TRPM8: variants seen among roughly 807,000 people sequenced by gnomAD.
TRPM8 encodes the protein TRPM8 cationic channel.
Under a neutral mutation model 133.7 loss-of-function variants are expected in TRPM8, and 110 were observed. That is an observed-to-expected ratio of 0.82 (90% CI 0.70 to 0.96). TRPM8 has a LOEUF of 0.96. Ranked by LOEUF, TRPM8 falls within the 40% of genes least tolerant of loss-of-function variation. TRPM8 has a pLI of 0.00. For missense variants in TRPM8, 1,291 were observed against 1,379.5 expected, an observed-to-expected ratio of 0.94 and a Z score of 1.02; for synonymous variants, 535 against 532.3, an observed-to-expected ratio of 1.01 and a Z score of -0.07.
chr2:234,011,873 C>T (rs1271307514), intron 24 of TRPM8, among the ~76,000 whole-genome samples: 37 of 137,634 alleles, frequency 2.7e-4, no homozygotes, highest in South Asian at 7.0e-4. Context: ...ACCGAGATCG[C>T]GCCACTGCAC....
Position 234,018,439 on chromosome 2 carries a change from T to C in TRPM8, c.*1183T>C, listed in dbSNP as rs1293304777. 1 of 151,486 alleles carries C rather than the reference T, an allele frequency of 6.6e-6. No individual in the cohort carries two copies. Among genetic ancestry groups the C allele is most frequent in the East Asian group, 1.9e-4 (1 of 5,188 alleles). The allele number at this position is 151,486 out of a possible 1,614,324, so 9.4% of individuals were successfully genotyped here. A position where few individuals can be genotyped will look rare whatever the true frequency, so the allele number is the denominator to read the frequency against. On this transcript the variant is annotated 3_prime_UTR_variant, in exon 26 of 26. Coordinates refer to ENST00000324695, the MANE Select transcript of TRPM8 (RefSeq NM_024080.5). ...ATCTATTTATTATTAAATATTAAAATATCTATTTATTATTAAAACCATTTA... is the reference window on the plus strand; with the variant it reads ...ATCTATTTATTATTAAATATTAAAACATCTATTTATTATTAAAACCATTTA...
chr2:234,000,010 G>A (rs984154486), intron 22 of TRPM8, among the ~76,000 whole-genome samples: 2 of 150,944 alleles, frequency 1.3e-5, no homozygotes, highest in Non-Finnish European at 3.0e-5. Context: ...TTTGAAGATC[G>A]TGTATGTTTT....
Position 233,974,187 on chromosome 2 carries a change from C to G in TRPM8, c.2355+3761C>G, listed in dbSNP as rs1033921282. On this transcript the variant is annotated intron_variant, in intron 17 of 25. Transcript: ENST00000324695. ...GGACTGGGAACAACTGGGACAGTGT[C>G]TGCCCCACAAGTGGGGTAAGTGCCA... is the stretch of plus-strand genomic sequence containing the variant. Among the ~76,000 whole-genome samples, 9 of 152,232 alleles carry G rather than the reference C, an allele frequency of 5.9e-5. No individual in the cohort carries two copies. The South Asian group carries it at 1.2e-3, about 21-fold the overall frequency.
At chr2:233,951,016 T>G (rs1032933603) in intron 9 of TRPM8, among the ~76,000 whole-genome samples, 2 of 151,672 alleles carry the variant, frequency 1.3e-5, no homozygotes, top group Non-Finnish European at 2.9e-5. Context: ...GCCTGGACAA[T>G]GTAGTGAGAC....
intron 20 of TRPM8, 181 bp downstream of exon 20, chr2:233,983,405 C>A: frequency 1.5e-6 from 1 of 653,344 alleles, no homozygotes; most frequent in Non-Finnish European, 2.8e-6. Context: ...GATTTTACAT[C>A]AGCCTTGCAG....
chr2:233,951,026 C>A (rs1379584276), intron 9 of TRPM8, among the ~76,000 whole-genome samples: 11 of 149,384 alleles, frequency 7.4e-5, no homozygotes, highest in Non-Finnish European at 1.5e-4. Context: ...TGTAGTGAGA[C>A]CCCGTCCCTA....
At chr2:233,934,231 T>A (rs1691741228) in intron 3 of TRPM8, among the ~76,000 whole-genome samples, 1 of 152,164 alleles carries the variant, frequency 6.6e-6, no homozygotes, top group Admixed American at 6.5e-5. Flanking sequence ...GCAGGTCCCC[T>A]CTGCCCGTTC....
intron 5 of TRPM8, among the ~76,000 whole-genome samples, chr2:233,940,976 A>G (rs1484207994): frequency 6.6e-6 from 1 of 152,186 alleles, no homozygotes; most frequent in Admixed American, 6.5e-5. Flanking sequence ...ACCTGTCCAG[A>G]AAATGGCAGG....
At chr2:233,983,465 G>A (rs1253298658) in intron 20 of TRPM8, 4 of 507,124 alleles carry the variant, frequency 7.9e-6, no homozygotes, top group Non-Finnish European at 1.5e-5. Flanking sequence ...TAGTGATTCT[G>A]GTATTTTCAA....
chr2:233,994,665 T>C (rs1692359782), intron 21 of TRPM8, among the ~76,000 whole-genome samples: 1 of 152,182 alleles, frequency 6.6e-6, no homozygotes, highest in Non-Finnish European at 1.5e-5. Flanking sequence ...TCTGTGTTGG[T>C]CAGTGTTTTG....
At chr2:234,006,986 T>C (rs749724301) in intron 23 of TRPM8, 34 bp downstream of exon 23, 13 of 1,535,646 alleles carry the variant, frequency 8.5e-6, no homozygotes, top group Non-Finnish European at 1.2e-5. Context: ...TTTGCAAGGC[T>C]CCCTCTGTAG....
chr2:233,978,722 A>G (rs1574753305), intron 17 of TRPM8, among the ~76,000 whole-genome samples: 2 of 152,296 alleles, frequency 1.3e-5, no homozygotes, highest in South Asian at 4.1e-4. Context: ...TGCAATAAAC[A>G]TCCTATTTAC....
intron 21 of TRPM8, among the ~76,000 whole-genome samples, chr2:233,995,456 G>A (rs1364901873): frequency 1.3e-5 from 2 of 152,190 alleles, no homozygotes; most frequent in African/African-American, 2.4e-5. Flanking sequence ...AAAGCAAATG[G>A]AAAAGAGACT....
intron 3 of TRPM8, among the ~76,000 whole-genome samples, chr2:233,931,846 T>C (rs1691685355): frequency 6.6e-6 from 1 of 152,220 alleles, no homozygotes; most frequent in Admixed American, 6.5e-5. Flanking sequence ...GTTTCATGAA[T>C]GGGACTTACA....
intron 24 of TRPM8, among the ~76,000 whole-genome samples, chr2:234,010,617 G>A (rs1020831383): frequency 6.6e-6 from 1 of 152,088 alleles, no homozygotes; most frequent in East Asian, 1.9e-4. Flanking sequence ...ACAAGAGTTC[G>A]CCTTTTCCCA....
At chr2:233,965,822 A>T (rs1197957380) in intron 14 of TRPM8, among the ~76,000 whole-genome samples, 1 of 151,858 alleles carries the variant, frequency 6.6e-6, no homozygotes, top group Non-Finnish European at 1.5e-5. Flanking sequence ...AAATGTAAGC[A>T]CACACTAATG....
chr2:233,970,829 T>G (rs1691695403), intron 17 of TRPM8, among the ~76,000 whole-genome samples: 1 of 152,220 alleles, frequency 6.6e-6, no homozygotes. Context: ...ATGCCCAGCA[T>G]GTCAGATTGA....
intron 8 of TRPM8, chr2:233,947,367 C>T (rs1415393964): frequency 6.5e-7 from 1 of 1,529,166 alleles, no homozygotes; most frequent in East Asian, 2.5e-5. Flanking sequence ...CATGAATAAC[C>T]TGTGTACTTA....
intron 2 of TRPM8, among the ~76,000 whole-genome samples, chr2:233,928,802 C>T (rs901412252): frequency 6.6e-6 from 1 of 152,148 alleles, no homozygotes. Flanking sequence ...CCCATGTGGC[C>T]GCCCCGTTGG....
Sources: gnomAD v4.1 joint callset for allele counts (sites outside exome capture counted in the v4.1 genomes callset) on GRCh38, gnomAD v4.1.1 for gene constraint, MANE v1.5 for transcripts, NCBI Gene and HGNC (gene_info 2026-07-23, HGNC 2026-07-21) for gene names.